Variants in PPP1R14C observed in about 807,000 individuals in gnomAD.
PPP1R14C encodes protein phosphatase 1 regulatory subunit 14C.
A neutral mutation model predicts 20.4 loss-of-function variants in PPP1R14C; 16 were observed. The observed-to-expected ratio is 0.78, with a 90% CI of 0.53 to 1.19. The LOEUF (loss-of-function observed/expected upper bound fraction) is 1.19, where lower values mean the gene tolerates loss of function less well. Ranked by LOEUF, PPP1R14C falls within the 50% of genes most tolerant of loss-of-function variation. PPP1R14C has a pLI of 0.00. For synonymous variants in PPP1R14C, 91 were observed against 91.0 expected, an observed-to-expected ratio of 1.00 and a Z score of 0.00; for missense variants, 211 against 220.1, an observed-to-expected ratio of 0.96 and a Z score of 0.26.
At chr6:150,150,550 T>C (rs1018869793) in intron 1 of PPP1R14C, among the ~76,000 whole-genome samples, 1 of 152,172 alleles carries the variant, frequency 6.6e-6, no homozygotes, top group Non-Finnish European at 1.5e-5. Flanking sequence ...TGTCAAGAAG[T>C]CTCTTTCTAG....
In PPP1R14C at chr6:150,181,993, G is replaced by T. The variant is rs180856712; in HGVS notation, c.307-32751G>T. On this transcript the variant is annotated intron_variant, in intron 1 of 3. Coordinates refer to ENST00000361131, the MANE Select transcript of PPP1R14C (RefSeq NM_030949.3). The stretch of plus-strand genomic sequence containing the variant: ...GAAATAGGATTCAGTGGTGGAATAA[G>T]AATTAGTTTTTTTTGGATATGCCAA... 2.6e-5 allele frequency among the ~76,000 whole-genome samples: 4 copies of T among 152,332 alleles called. No individual in the cohort carries two copies. The East Asian group carries it at 7.7e-4, about 29-fold the overall frequency.
chr6:150,247,897 A>G (rs1268918234), intron 3 of PPP1R14C, among the ~76,000 whole-genome samples: 2 of 152,108 alleles, frequency 1.3e-5, no homozygotes, highest in Non-Finnish European at 2.9e-5. Context: ...TTAGTAGTCA[A>G]TTTTCTGTTG....
intron 3 of PPP1R14C, among the ~76,000 whole-genome samples, chr6:150,217,195 ATTTT>A (rs397886649): frequency 2.9e-5 from 4 of 135,644 alleles, no homozygotes; most frequent in African/African-American, 2.7e-5. Flanking sequence ...ATTGGTATGT[ATTTT>A]TTTTTTTTTT....
chr6:150,162,608 GT>G, intron 1 of PPP1R14C, among the ~76,000 whole-genome samples: 1 of 152,142 alleles, frequency 6.6e-6, no homozygotes, highest in Non-Finnish European at 1.5e-5. Flanking sequence ...GGACATCTTG[GT>G]TGCTTCAGTT....
At position 150,143,347 on chromosome 6, in the gene PPP1R14C, C is replaced by T; in HGVS notation, c.155C>T (p.Thr52Met). Reference protein sequence around the residue: ...SSREDSAPVATAAAAGQVQQQ... With the variant: ...SSREDSAPVAMAAAAGQVQQQ... Reference sequence around the variant, plus strand: ...CGGGAGGACTCGGCGCCCGTGGCCACGGCGGCCGCTGCAGGGCAGGTTCAG... The same window carrying T: ...CGGGAGGACTCGGCGCCCGTGGCCATGGCGGCCGCTGCAGGGCAGGTTCAG... Residue 52 changes from threonine to methionine, a missense_variant, in exon 1 of 4, where the codon ACG (threonine) becomes ATG (methionine). Coordinates refer to ENST00000361131, the MANE Select transcript of PPP1R14C (RefSeq NM_030949.3). The surrounding 1 kb of genome is among the most constrained non-coding windows in gnomAD (Gnocchi z 5.6). 6.2e-7 allele frequency: 1 copy of T among 1,603,058 alleles called. No individual in the cohort carries two copies. The highest frequency in any genetic ancestry group is 8.5e-7 in the Non-Finnish European group (1 of 1,176,280).
intron 2 of PPP1R14C, among the ~76,000 whole-genome samples, chr6:150,215,719 A>G (rs1292840078): frequency 2.6e-5 from 4 of 152,260 alleles, no homozygotes; most frequent in Non-Finnish European, 4.4e-5. Flanking sequence ...TCAGTTCTAT[A>G]GAAAATGTAA....
At chr6:150,153,968 A>G (rs566487966) in intron 1 of PPP1R14C, among the ~76,000 whole-genome samples, 1 of 152,224 alleles carries the variant, frequency 6.6e-6, no homozygotes, top group Non-Finnish European at 1.5e-5. Context: ...AAAAGTAGAA[A>G]AAGTAAAGGA....
chr6:150,174,277 T>C (rs1191899424), intron 1 of PPP1R14C, among the ~76,000 whole-genome samples: 1 of 152,122 alleles, frequency 6.6e-6, no homozygotes, highest in Non-Finnish European at 1.5e-5. Context: ...TGGAGTGCAG[T>C]GGTGCGATCT....
chr6:150,166,012 A>C (rs1376326691), intron 1 of PPP1R14C, among the ~76,000 whole-genome samples: 1 of 151,834 alleles, frequency 6.6e-6, no homozygotes, highest in African/African-American at 2.4e-5. Context: ...AGTACACCAG[A>C]TCGCATTGTG....
At position 150,244,127 on chromosome 6, in the gene PPP1R14C, G is replaced by A. The variant is rs561248054; in HGVS notation, c.424-4619G>A. The stretch of plus-strand genomic sequence containing the variant: ...TGTGGTTGTTGTCTGCCTTAAATAC[G>A]TTCAGCTTATGGCATTTCAATTATG... On this transcript the variant is annotated intron_variant, in intron 3 of 3. Transcript: ENST00000361131. 2.3e-4 allele frequency among the ~76,000 whole-genome samples: 34 copies of A among 150,670 alleles called. 1 individual carries two copies. In the South Asian group the frequency reaches 6.3e-3, roughly 28 times the overall value.
chr6:150,203,023 G>A (rs919779041), intron 1 of PPP1R14C, among the ~76,000 whole-genome samples: 2 of 152,126 alleles, frequency 1.3e-5, no homozygotes, highest in African/African-American at 4.8e-5. Context: ...AGACAATCTT[G>A]CTACATTATT....
chr6:150,249,711 T>C lies in PPP1R14C; in HGVS notation c.*891T>C, dbSNP rs973928719. On this transcript the variant is annotated 3_prime_UTR_variant, in exon 4 of 4. Coordinates refer to ENST00000361131, the MANE Select transcript of PPP1R14C (RefSeq NM_030949.3). The stretch of plus-strand genomic sequence containing the variant: ...TGCTTTCCACCGAGTACTGTGTTTA[T>C]TCTCTCTCCAGGAAAGCAGATCAAA... 2.5e-6 allele frequency: 1 copy of C among 396,956 alleles called. No individual in the cohort carries two copies. Among genetic ancestry groups the C allele is most frequent in the Non-Finnish European group, 4.4e-6 (1 of 225,580 alleles). 24.6% of individuals were successfully genotyped at this position (396,956 alleles called of 1,614,324 possible).
intron 1 of PPP1R14C, chr6:150,194,758 T>G (rs754367390): frequency 1.0e-4 from 101 of 985,330 alleles, no homozygotes; most frequent in Non-Finnish European, 1.1e-4. Flanking sequence ...TTGCATAGTT[T>G]AAGACCCTGT....
intron 3 of PPP1R14C, among the ~76,000 whole-genome samples, chr6:150,219,561 G>C (rs1158309843): frequency 6.6e-6 from 1 of 151,986 alleles, no homozygotes; most frequent in African/African-American, 2.4e-5. Flanking sequence ...GGTATTTTTT[G>C]TTGAACTCTC....
intron 3 of PPP1R14C, among the ~76,000 whole-genome samples, chr6:150,221,758 A>G (rs1778170054): frequency 6.6e-6 from 1 of 152,102 alleles, no homozygotes. Context: ...GTCTCTGCAT[A>G]TTGGTAAGGA....
intron 3 of PPP1R14C, among the ~76,000 whole-genome samples, chr6:150,219,650 C>T (rs907264425): frequency 1.3e-5 from 2 of 152,188 alleles, no homozygotes; most frequent in African/African-American, 2.4e-5. Context: ...CCAGACTTTT[C>T]TCCTGGAGCC....
intron 3 of PPP1R14C, among the ~76,000 whole-genome samples, chr6:150,218,755 T>C (rs889877473): frequency 6.6e-6 from 1 of 151,942 alleles, no homozygotes; most frequent in Non-Finnish European, 1.5e-5. Context: ...TTCAAGCAAC[T>C]CTCCCACCTC....
intron 1 of PPP1R14C, among the ~76,000 whole-genome samples, chr6:150,208,738 A>G (rs1777984229): frequency 6.6e-6 from 1 of 152,196 alleles, no homozygotes; most frequent in Admixed American, 6.5e-5. Context: ...AGTCATTTAT[A>G]TATTAAATCT....
At chr6:150,227,534 C>A (rs1266904145) in intron 3 of PPP1R14C, among the ~76,000 whole-genome samples, 1 of 152,206 alleles carries the variant, frequency 6.6e-6, no homozygotes, top group Non-Finnish European at 1.5e-5. Flanking sequence ...TCACATTATT[C>A]ATTTCAATGG....
Sources: allele counts gnomAD v4.1 joint callset (sites outside exome capture counted in the v4.1 genomes callset), GRCh38; gene constraint gnomAD v4.1.1; non-coding constraint Gnocchi (gnomAD v3.1); transcripts MANE v1.5; gene names NCBI Gene and HGNC (gene_info 2026-07-23, HGNC 2026-07-21).